Variants in ADAMTS3 observed in about 807,000 individuals in gnomAD.
ADAMTS3 encodes the protein ADAM metallopeptidase with thrombospondin type 1 motif 3.
ADAMTS3 carries 73 observed loss-of-function variants against 129.0 expected under a neutral mutation model. That is an observed-to-expected ratio of 0.57 (90% CI 0.47 to 0.69). ADAMTS3 has a LOEUF of 0.69. Ranked by LOEUF, ADAMTS3 falls within the 30% of genes least tolerant of loss-of-function variation. The probability of loss-of-function intolerance (pLI) is 0.00; values close to 1 mark genes in which losing one functional copy is unlikely to be tolerated. For synonymous variants in ADAMTS3, 477 were observed against 510.8 expected (o/e 0.93, Z 0.89); for missense variants, 1,457 against 1,514.5 (o/e 0.96, Z 0.63).
chr4:72,439,246 T>C (rs569675602), intron 3 of ADAMTS3, among the ~76,000 whole-genome samples: 1 of 151,714 alleles, frequency 6.6e-6, no homozygotes, highest in Non-Finnish European at 1.5e-5. Context: ...CAAAATACAG[T>C]TTGAAATCTT....
At chr4:72,436,895 T>C (rs971257817) in intron 3 of ADAMTS3, among the ~76,000 whole-genome samples, 1 of 151,714 alleles carries the variant, frequency 6.6e-6, no homozygotes, top group African/African-American at 2.4e-5. Context: ...TTAGGAAAAA[T>C]ATCTAACATA....
At chr4:72,399,532 A>G (rs751785212) in intron 4 of ADAMTS3, among the ~76,000 whole-genome samples, 1 of 152,132 alleles carries the variant, frequency 6.6e-6, no homozygotes, top group Non-Finnish European at 1.5e-5. Flanking sequence ...TTGAAGACCT[A>G]CCCTGGGCTA....
At chr4:72,441,543 A>G (rs1445094279) in intron 3 of ADAMTS3, 1 of 151,718 alleles carries the variant, frequency 6.6e-6, no homozygotes, top group Admixed American at 6.6e-5. Flanking sequence ...TTTGAAGTCT[A>G]GTTTATCTAT....
At chr4:72,313,179 A>G (rs936130710) in intron 12 of ADAMTS3, among the ~76,000 whole-genome samples, 1 of 152,204 alleles carries the variant, frequency 6.6e-6, no homozygotes, top group Non-Finnish European at 1.5e-5. Flanking sequence ...TGAGCACACA[A>G]TAGGGAATTC....
chr4:72,474,320 C>A (rs1224116033), intron 3 of ADAMTS3, among the ~76,000 whole-genome samples: 1 of 151,900 alleles, frequency 6.6e-6, no homozygotes, highest in Non-Finnish European at 1.5e-5. Flanking sequence ...TACAAACATA[C>A]TTGAAATAAA....
chr4:72,319,499 G>A, intron 8 of ADAMTS3, 24 bp from the exon 9 acceptor site: 3 of 1,596,634 alleles, frequency 1.9e-6, no homozygotes, highest in Non-Finnish European at 2.6e-6. Context: ...AGACCTCAGT[G>A]GTAAGAATCA....
At chr4:72,536,910 T>C (rs1334881564) in intron 3 of ADAMTS3, among the ~76,000 whole-genome samples, 1 of 152,204 alleles carries the variant, frequency 6.6e-6, no homozygotes, top group Non-Finnish European at 1.5e-5. Flanking sequence ...AAATTTAATA[T>C]ATTCCAAACA....
chr4:72,458,297 C>G (rs1409332654), intron 3 of ADAMTS3, among the ~76,000 whole-genome samples: 1 of 151,400 alleles, frequency 6.6e-6, no homozygotes, highest in Non-Finnish European at 1.5e-5. Flanking sequence ...AAATTTTAGT[C>G]TCTCTCTGTC....
At chr4:72,427,118 T>TA (rs1722593219) in intron 3 of ADAMTS3, among the ~76,000 whole-genome samples, 1 of 152,152 alleles carries the variant, frequency 6.6e-6, no homozygotes, top group Non-Finnish European at 1.5e-5. Context: ...GTCAAGGTGT[T>TA]AGCAGGGACA....
chr4:72,311,812 G>A (rs1490329627), intron 13 of ADAMTS3, among the ~76,000 whole-genome samples: 1 of 152,018 alleles, frequency 6.6e-6, no homozygotes, highest in African/African-American at 2.4e-5. Flanking sequence ...AGTAAGAAGT[G>A]AAACATTAAA....
intron 3 of ADAMTS3, among the ~76,000 whole-genome samples, chr4:72,498,212 T>C (rs11730719): frequency 0.24 from 36,632 of 151,926 alleles, 4,536 homozygotes; most frequent in Middle Eastern, 0.32. Flanking sequence ...GTAAGCACTC[T>C]ACGATTTCTG....
chr4:72,537,176 C>A (rs146184144), intron 3 of ADAMTS3, among the ~76,000 whole-genome samples: 418 of 152,316 alleles, frequency 2.7e-3, no homozygotes, highest in African/African-American at 9.2e-3. Flanking sequence ...CTGTGGCAGG[C>A]AGCTGTGCAC....
intron 3 of ADAMTS3, among the ~76,000 whole-genome samples, chr4:72,450,378 G>A (rs1718364004): frequency 6.6e-6 from 1 of 151,686 alleles, no homozygotes; most frequent in Admixed American, 6.6e-5. Context: ...GCACCCCTCT[G>A]CTAGAAAACA....
chr4:72,441,093 C>A (rs1718100516), intron 3 of ADAMTS3, among the ~76,000 whole-genome samples: 3 of 151,694 alleles, frequency 2.0e-5, no homozygotes, highest in South Asian at 2.1e-4. Flanking sequence ...CCCAGGCAAC[C>A]ACTTCCTGAT....
rs529041123 is a variant in ADAMTS3 at position 72,316,805 on chromosome 4, T to C, written c.1486-834A>G. Among the ~76,000 whole-genome samples, 45 of 152,188 alleles carry C rather than the reference T, an allele frequency of 3.0e-4. 1 individual carries two copies. The South Asian group carries it at 9.3e-3, about 32-fold the overall frequency. ...AAAGTATTCTAGGTACAACAAAATA[T>C]CATAATACATTCATATAGTTTATGA... On this transcript the variant is annotated intron_variant, in intron 10 of 21. Coordinates refer to ENST00000286657, the MANE Select transcript of ADAMTS3 (RefSeq NM_014243.3).
intron 4 of ADAMTS3, among the ~76,000 whole-genome samples, chr4:72,379,686 G>A (rs1721229949): frequency 1.3e-5 from 2 of 151,996 alleles, no homozygotes; most frequent in Admixed American, 1.3e-4. Context: ...GTATCACTAT[G>A]CCCTTTAGTT....
intron 5 of ADAMTS3, 78 bp from the exon 6 acceptor site, chr4:72,323,175 TCAC>T: frequency 9.3e-7 from 1 of 1,080,438 alleles, no homozygotes; most frequent in Non-Finnish European, 1.4e-6. Flanking sequence ...AGCTGTGTAA[TCAC>T]CACAAATAGG....
intron 3 of ADAMTS3, among the ~76,000 whole-genome samples, chr4:72,509,977 G>A (rs369068099): frequency 8.6e-5 from 13 of 151,878 alleles, no homozygotes; most frequent in East Asian, 1.9e-4. Flanking sequence ...ATCAATCAGC[G>A]TGATACATCA....
chr4:72,298,970 G>T (rs1179339970), intron 17 of ADAMTS3, among the ~76,000 whole-genome samples: 1 of 151,032 alleles, frequency 6.6e-6, no homozygotes, highest in Non-Finnish European at 1.5e-5. Context: ...AAAATAGAAA[G>T]AAAACGAAAA....
Sources: gnomAD v4.1 joint callset for allele counts (sites outside exome capture counted in the v4.1 genomes callset) on GRCh38, gnomAD v4.1.1 for gene constraint, MANE v1.5 for transcripts, NCBI Gene and HGNC (gene_info 2026-07-23, HGNC 2026-07-21) for gene names.